The following CIRSR variants were observed in gnomAD, a reference collection of about 807,000 sequenced individuals.
The protein encoded by CIRSR is corepressor of RBPJ and splicing regulator, also known as CBF1 (RBPJ) interacting corepressor 1.
chr2:174,367,364 G>A, the CIRSR span, among the ~76,000 whole-genome samples: 2 of 152,104 alleles, frequency 1.3e-5, no homozygotes, highest in East Asian at 3.9e-4. Flanking sequence ...CGGATCACGA[G>A]GTCAAGAGAT....
chr2:174,375,705 CAA>C, the CIRSR span, among the ~76,000 whole-genome samples: 1 of 152,050 alleles, frequency 6.6e-6, no homozygotes, highest in African/African-American at 2.4e-5. Context: ...GTTCGATGGG[CAA>C]AAAGGTAACA....
chr2:174,390,333 G>A, the CIRSR span, among the ~76,000 whole-genome samples: 1 of 152,254 alleles, frequency 6.6e-6, no homozygotes, highest in Non-Finnish European at 1.5e-5. Flanking sequence ...TTTAATGACT[G>A]CCCTATTGGA....
At chr2:174,349,436 C>T in the CIRSR span, among the ~76,000 whole-genome samples, 7 of 151,782 alleles carry the variant, frequency 4.6e-5, no homozygotes, top group African/African-American at 1.7e-4. Flanking sequence ...ATGGTGGCAC[C>T]TGCCTGTAAT....
At chr2:174,359,353 G>T in the CIRSR span, among the ~76,000 whole-genome samples, 2 of 131,622 alleles carry the variant, frequency 1.5e-5, no homozygotes, top group East Asian at 4.5e-4. Context: ...AAAAAAAAAA[G>T]AGATTTTAAA....
At chr2:174,354,750 T>C in the CIRSR span, among the ~76,000 whole-genome samples, 2 of 96,636 alleles carry the variant, frequency 2.1e-5, no homozygotes, top group East Asian at 6.0e-4. Flanking sequence ...TACATATGTA[T>C]ATATATTATA....
At chr2:174,353,378 T>C in the CIRSR span, among the ~76,000 whole-genome samples, 1 of 152,216 alleles carries the variant, frequency 6.6e-6, no homozygotes, top group South Asian at 2.1e-4. Flanking sequence ...GTTGTTAACA[T>C]TGATAATACA....
chr2:174,351,251 TAA>T, the CIRSR span, among the ~76,000 whole-genome samples: 1 of 152,146 alleles, frequency 6.6e-6, no homozygotes, highest in Non-Finnish European at 1.5e-5. Flanking sequence ...ATAAAATAAA[TAA>T]GTTTAAAATA....
the CIRSR span, among the ~76,000 whole-genome samples, chr2:174,394,323 C>G: frequency 6.6e-6 from 1 of 152,050 alleles, no homozygotes; most frequent in Admixed American, 6.5e-5. Context: ...ACAGCTGACC[C>G]CCTAAGTATG....
At chr2:174,350,734 T>TGCAACATA in the CIRSR span, 2 of 1,608,362 alleles carry the variant, frequency 1.2e-6, no homozygotes, top group Admixed American at 1.7e-5. Context: ...CACCCTCACT[T>TGCAACATA]GCAACATACT....
At chr2:174,382,399 G>A in the CIRSR span, among the ~76,000 whole-genome samples, 1 of 152,172 alleles carries the variant, frequency 6.6e-6, no homozygotes, top group South Asian at 2.1e-4. Flanking sequence ...AGCACGCTGG[G>A]AGGCCAAAGC....
the CIRSR span, among the ~76,000 whole-genome samples, chr2:174,383,333 T>C: frequency 5.3e-5 from 8 of 151,310 alleles, no homozygotes; most frequent in Non-Finnish European, 1.2e-4. Flanking sequence ...TGAAATTAGA[T>C]TACAGTGATG....
the CIRSR span, among the ~76,000 whole-genome samples, chr2:174,385,380 T>C: frequency 2.5e-4 from 38 of 152,076 alleles, no homozygotes; most frequent in African/African-American, 8.9e-4. Flanking sequence ...AACAGTACTT[T>C]TGAATGAGGA....
the CIRSR span, chr2:174,387,202 G>A: frequency 6.6e-6 from 1 of 152,464 alleles, no homozygotes; most frequent in East Asian, 1.9e-4. Context: ...ACCAGCTTCA[G>A]TGTTAGATCT....
At chr2:174,382,198 C>G in the CIRSR span, among the ~76,000 whole-genome samples, 1 of 151,794 alleles carries the variant, frequency 6.6e-6, no homozygotes, top group African/African-American at 2.4e-5. Context: ...TTGTTTTTTC[C>G]CACCAAAAAA....
At chr2:174,388,801 T>C in the CIRSR span, among the ~76,000 whole-genome samples, 2 of 152,140 alleles carry the variant, frequency 1.3e-5, no homozygotes, top group African/African-American at 2.4e-5. Flanking sequence ...ATAGTTCCCA[T>C]AATCCCCATG....
At chr2:174,369,329 G>A in the CIRSR span, among the ~76,000 whole-genome samples, 1 of 152,218 alleles carries the variant, frequency 6.6e-6, no homozygotes, top group African/African-American at 2.4e-5. Flanking sequence ...CAGAGTTGAA[G>A]AGAGTCTGGG....
the CIRSR span, chr2:174,378,615 C>T: frequency 5.9e-6 from 2 of 339,838 alleles, no homozygotes; most frequent in African/African-American, 4.3e-5. Context: ...GAGAAATAAG[C>T]ATTTTTTCCT....
At chr2:174,349,152 T>G in the CIRSR span, 2 of 1,465,476 alleles carry the variant, frequency 1.4e-6, no homozygotes, top group East Asian at 5.0e-5. Context: ...CTTTTTTTTC[T>G]TCTCCAGTCG....
chr2:174,375,055 C>T, the CIRSR span, among the ~76,000 whole-genome samples: 1 of 152,124 alleles, frequency 6.6e-6, no homozygotes, highest in African/African-American at 2.4e-5. Flanking sequence ...AGAACAAGGC[C>T]TGGCACAGAA....
Sources: gnomAD v4.1 joint callset for allele counts (sites outside exome capture counted in the v4.1 genomes callset) on GRCh38, gnomAD v4.1.1 for gene constraint, MANE v1.5 for transcripts, NCBI Gene and HGNC (gene_info 2026-07-23, HGNC 2026-07-21) for gene names.